NTM: variants seen among roughly 807,000 people sequenced by gnomAD.
NTM encodes the protein neurotrimin, also known as IgLON family member 2.
Under a neutral mutation model 42.1 loss-of-function variants are expected in NTM, and 13 were observed. The observed-to-expected ratio is 0.31, with a 90% CI of 0.20 to 0.49. The LOEUF (loss-of-function observed/expected upper bound fraction) is 0.49, where lower values mean the gene tolerates loss of function less well. Among genes scored for constraint, NTM ranks in the 20% least tolerant of loss-of-function variants. The pLI is 0.99. For synonymous variants in NTM, 187 were observed against 179.2 expected (o/e 1.04, Z -0.35); for missense variants, 373 against 452.8 (o/e 0.82, Z 1.60).
intron 1 of NTM, among the ~76,000 whole-genome samples, chr11:131,435,727 T>C (rs1420869508): frequency 6.6e-6 from 1 of 152,258 alleles, no homozygotes; most frequent in Non-Finnish European, 1.5e-5. Flanking sequence ...TCATGTCATC[T>C]GCAAACAGGG....
chr11:132,052,510 G>A (rs1219466140), intron 2 of NTM, among the ~76,000 whole-genome samples: 2 of 152,184 alleles, frequency 1.3e-5, no homozygotes, highest in Non-Finnish European at 2.9e-5. Context: ...GAGGGAGAGT[G>A]AGATTCAGAG....
At chr11:131,831,315 G>A (rs1191949448) in intron 1 of NTM, among the ~76,000 whole-genome samples, 1 of 152,068 alleles carries the variant, frequency 6.6e-6, no homozygotes, top group African/African-American at 2.4e-5. Flanking sequence ...TTGCTTACAA[G>A]GCATATTAAC....
intron 1 of NTM, among the ~76,000 whole-genome samples, chr11:131,873,737 T>C (rs1388394977): frequency 7.0e-6 from 1 of 143,400 alleles, no homozygotes; most frequent in East Asian, 2.0e-4. Flanking sequence ...TGTATATATA[T>C]CAGCTGATAC....
At chr11:131,530,364 G>A (rs1312444824) in intron 1 of NTM, among the ~76,000 whole-genome samples, 2 of 144,330 alleles carry the variant, frequency 1.4e-5, no homozygotes, top group Admixed American at 1.4e-4. Flanking sequence ...GAATTCAAGG[G>A]CAAAAAGAAA....
intron 4 of NTM, among the ~76,000 whole-genome samples, chr11:132,219,499 T>C (rs918794764): frequency 6.6e-5 from 10 of 151,910 alleles, no homozygotes; most frequent in Admixed American, 6.6e-4. Context: ...AAGTCTCTCT[T>C]AATTTAATAT....
chr11:131,816,949 C>A (rs2092977637), intron 1 of NTM, among the ~76,000 whole-genome samples: 1 of 152,076 alleles, frequency 6.6e-6, no homozygotes, highest in African/African-American at 2.4e-5. Flanking sequence ...TCTGGAACTT[C>A]CAAATATTTT....
At chr11:131,725,675 G>A (rs2078877398) in intron 1 of NTM, among the ~76,000 whole-genome samples, 1 of 152,180 alleles carries the variant, frequency 6.6e-6, no homozygotes, top group Admixed American at 6.5e-5. Context: ...GAGGAAAACG[G>A]GGAAGCAATG....
At chr11:132,037,189 G>C (rs963456450) in intron 2 of NTM, among the ~76,000 whole-genome samples, 1 of 152,058 alleles carries the variant, frequency 6.6e-6, no homozygotes, top group African/African-American at 2.4e-5. Context: ...GGGTGAGTGA[G>C]CTCTTGCTCT....
intron 1 of NTM, among the ~76,000 whole-genome samples, chr11:131,492,485 C>T (rs1190549889): frequency 6.6e-6 from 1 of 152,098 alleles, no homozygotes; most frequent in Non-Finnish European, 1.5e-5. Context: ...CCCAATGTTA[C>T]CAAAGAAAAA....
In NTM at chr11:132,146,380, T is replaced by G; in HGVS notation, c.266T>G (p.Val89Gly). The change falls in exon 3 of 9, where the codon GTC becomes GGC. Residue 89 changes from valine to glycine, a missense_variant. Physicochemically the swap from Val to Gly is moderately radical, Grantham distance 109 (BLOSUM62 -3). Coordinates refer to ENST00000683400, the MANE Select transcript of NTM (RefSeq NM_001352005.2). The surrounding 1 kb of genome is among the most constrained non-coding windows in gnomAD (Gnocchi z 4.5). ...NDKWCLDPRV[V>G]LLSNTQTQYS... ...AAGTGGTGCCTGGATCCTCGCGTGG[T>G]CCTTCTGAGCAACACCCAAACGCAG... 1 of 1,614,136 alleles carries G rather than the reference T, an allele frequency of 6.2e-7. No individual in the cohort carries two copies. The highest frequency in any genetic ancestry group is 8.5e-7 in the Non-Finnish European group (1 of 1,180,030).
chr11:132,061,826 T>G (rs1253871323), intron 2 of NTM, among the ~76,000 whole-genome samples: 1 of 152,138 alleles, frequency 6.6e-6, no homozygotes, highest in Non-Finnish European at 1.5e-5. Context: ...TATTATTCTG[T>G]ATGTCACCAA....
intron 1 of NTM, among the ~76,000 whole-genome samples, chr11:131,556,007 A>C (rs2055362662): frequency 6.6e-6 from 1 of 152,206 alleles, no homozygotes; most frequent in South Asian, 2.1e-4. Flanking sequence ...GAACAGAGTC[A>C]ATGGAAAGTT....
intron 2 of NTM, among the ~76,000 whole-genome samples, chr11:132,051,607 C>T (rs1033744354): frequency 7.9e-5 from 12 of 152,100 alleles, no homozygotes; most frequent in Non-Finnish European, 1.5e-4. Context: ...ACCAGCAGCC[C>T]CTAATGATGG....
chr11:132,327,283 G>T (rs1352437933), intron 7 of NTM, among the ~76,000 whole-genome samples: 1 of 152,200 alleles, frequency 6.6e-6, no homozygotes, highest in Non-Finnish European at 1.5e-5. Flanking sequence ...CATTAAGTCA[G>T]ATTTGATGGT....
chr11:132,170,634 A>G (rs944259217), intron 3 of NTM, among the ~76,000 whole-genome samples: 26 of 152,340 alleles, frequency 1.7e-4, no homozygotes, highest in Non-Finnish European at 3.7e-4. Flanking sequence ...TGGCAGTTGC[A>G]TATGTTTCAA....
In NTM at chr11:131,881,477, TAC is replaced by T. The variant is rs34722610; in HGVS notation, c.83-30056_83-30055del. On this transcript the variant is annotated intron_variant, in intron 1 of 8. Coordinates refer to ENST00000683400, the MANE Select transcript of NTM (RefSeq NM_001352005.2). Reference sequence around the variant, plus strand: ...TAAAATGTAATTGTGAGCTCTCAGTTACACACACACACACACACACACACACA... The same window carrying T: ...TAAAATGTAATTGTGAGCTCTCAGTTACACACACACACACACACACACACA... 2.6e-3 allele frequency among the ~76,000 whole-genome samples: 269 copies of T among 104,434 alleles called. 4 individuals carry two copies. The highest frequency in any genetic ancestry group is 0.018 in the South Asian group (64 of 3,640). The allele number at this position is 104,434 out of a possible 152,430, so 68.5% of individuals were successfully genotyped here.
chr11:131,428,971 T>C (rs532090367), intron 1 of NTM, among the ~76,000 whole-genome samples: 2 of 151,838 alleles, frequency 1.3e-5, no homozygotes, highest in African/African-American at 4.8e-5. Flanking sequence ...AGGAGAATTG[T>C]TCGAACCCAG....
Position 132,176,064 on chromosome 11 carries a change from G to A in NTM, c.400+29550G>A, listed in dbSNP as rs76537108. 1.8e-4 allele frequency among the ~76,000 whole-genome samples: 28 copies of A among 152,082 alleles called. No individual in the cohort carries two copies. The East Asian group carries it at 4.1e-3, about 22-fold the overall frequency. ...CAATATATGCTTGACACTAAAGAAA[G>A]GTTCATTGAATTAATCCATGAAAGA... On this transcript the variant is annotated intron_variant, in intron 3 of 8. Coordinates refer to ENST00000683400, the MANE Select transcript of NTM (RefSeq NM_001352005.2).
At chr11:131,411,399 A>G (rs1405536341) in intron 1 of NTM, among the ~76,000 whole-genome samples, 1 of 152,146 alleles carries the variant, frequency 6.6e-6, no homozygotes, top group Non-Finnish European at 1.5e-5. Flanking sequence ...ATGTAACAAT[A>G]TAAGACAATA....
Sources: allele counts gnomAD v4.1 joint callset (sites outside exome capture counted in the v4.1 genomes callset), GRCh38; gene constraint gnomAD v4.1.1; non-coding constraint Gnocchi (gnomAD v3.1); transcripts MANE v1.5; gene names NCBI Gene and HGNC (gene_info 2026-07-23, HGNC 2026-07-21).